The following AKR1B10 variants were observed in gnomAD, a reference collection of about 807,000 sequenced individuals.
AKR1B10 encodes the protein ARP.
Under a neutral mutation model 38.9 loss-of-function variants are expected in AKR1B10, and 39 were observed. The observed-to-expected ratio is 1.00, with a 90% confidence interval of 0.78 to 1.31. The LOEUF (loss-of-function observed/expected upper bound fraction) is 1.31. AKR1B10 is among the 50% of genes most tolerant of loss of function. The pLI, the probability that AKR1B10 is intolerant of heterozygous loss-of-function variation, is 0.00. For synonymous variants in AKR1B10, 148 were observed against 141.2 expected (o/e 1.05, Z -0.34); for missense variants, 361 against 382.6 (o/e 0.94, Z 0.47).
At chr7:134,540,308 C>A (rs988994483) in intron 9 of AKR1B10, among the ~76,000 whole-genome samples, 1 of 152,118 alleles carries the variant, frequency 6.6e-6, no homozygotes, top group African/African-American at 2.4e-5. Flanking sequence ...ATCATAGGAG[C>A]CTTTCCTCAT....
chr7:134,532,394 AATTATCTT>A (rs1216654890), intron 3 of AKR1B10, among the ~76,000 whole-genome samples: 1 of 152,106 alleles, frequency 6.6e-6, no homozygotes, highest in Non-Finnish European at 1.5e-5. Context: ...TCCAGGGCAT[AATTATCTT>A]ATTAAGCAAA....
At chr7:134,538,317 A>G in intron 8 of AKR1B10, 40 bp downstream of exon 8, 1 of 1,571,814 alleles carries the variant, frequency 6.4e-7, no homozygotes, top group Non-Finnish European at 8.8e-7. Context: ...TCCTCAGTGG[A>G]GTGGGGGACA....
chr7:134,533,015 C>G lies in AKR1B10; in HGVS notation c.363C>G (p.Asp121Glu), dbSNP rs199767638. ...HWPQGFKSGD[D>E]LFPKDDKGNA... ...TTCTGTGTTCACAGTCTGGGGATGA[C>G]CTTTTCCCCAAAGATGATAAAGGTA... is the stretch of plus-strand genomic sequence containing the variant. The change falls in exon 4 of 10, where the codon GAC becomes GAG. Residue 121 changes from aspartate (D) to glutamate (E), a missense_variant. By Grantham distance (45) the Asp-to-Glu change is conservative. Transcript: ENST00000359579. 2.4e-5 allele frequency: 38 copies of G among 1,602,308 alleles called. No individual in the cohort carries two copies. The highest frequency in any genetic ancestry group is 3.1e-5 in the Non-Finnish European group (37 of 1,175,896).
chr7:134,535,183 G>T (rs1275280063), intron 4 of AKR1B10, among the ~76,000 whole-genome samples: 1 of 152,100 alleles, frequency 6.6e-6, no homozygotes, highest in Non-Finnish European at 1.5e-5. Flanking sequence ...TTGCTATGTT[G>T]CCCAGGATGG....
Position 134,532,576 on chromosome 7 carries a change from G to A in AKR1B10, c.352-428G>A, listed in dbSNP as rs1161780727. On this transcript the variant is annotated intron_variant, in intron 3 of 9. Transcript: ENST00000359579. The stretch of plus-strand genomic sequence containing the variant: ...CTCTCCCCTCCTGACCAACTGGAGT[G>A]ATGATGGCCTGCCACCCCTAATTCC... Among the ~76,000 whole-genome samples the A allele has an allele frequency of 3.3e-5, 5 of 152,278 alleles. No homozygotes were observed. In the East Asian group the frequency reaches 9.7e-4, roughly 29 times the overall value.
chr7:134,527,724 T>TATCTTTAA lies in AKR1B10; in HGVS notation c.-187_-186insTCTTTAAA. 2.0e-6 allele frequency: 1 copy of TATCTTTAA among 499,804 alleles called. No homozygotes were observed. Among genetic ancestry groups the TATCTTTAA allele is most frequent in the Non-Finnish European group, 3.3e-6 (1 of 307,390 alleles). The allele number at this position is 499,804 out of a possible 1,614,324, so 31.0% of individuals were successfully genotyped here. On this transcript the variant is annotated 5_prime_UTR_variant, in exon 1 of 10. Transcript: ENST00000359579. ...AGCTGGGAGTCACGGTGGGCGCCTG[T>TATCTTTAA]AATCCCAGCTACTCGGGAGGCTGAG... is the stretch of plus-strand genomic sequence containing the variant.
chr7:134,538,288 G>T lies in AKR1B10; in HGVS notation c.825+11G>T, dbSNP rs781633072. 4 of 1,612,518 alleles carry T rather than the reference G, an allele frequency of 2.5e-6. No homozygotes were observed. In the Admixed American group the frequency reaches 5.0e-5, roughly 20 times the overall value. On this transcript the variant is annotated intron_variant, in intron 8 of 9. Coordinates refer to ENST00000359579, the MANE Select transcript of AKR1B10 (RefSeq NM_020299.5). ...GTTGAGAACATTCAGGTAAGTTTCCGGCTGGTCGGCCCTGGTATTCCTCAG... is the reference window on the plus strand; with the variant it reads ...GTTGAGAACATTCAGGTAAGTTTCCTGCTGGTCGGCCCTGGTATTCCTCAG...
chr7:134,538,425 G>C lies in AKR1B10; in HGVS notation c.825+148G>C, dbSNP rs13309791. ...TCATTTTCCAGCCCAGGGAGCTAGG[G>C]TCAGTAGAGCTGAGATGAATGACCC... On this transcript the variant is annotated intron_variant, in intron 8 of 9. Transcript: ENST00000359579. 4,770 of 816,226 alleles carry C rather than the reference G, an allele frequency of 5.8e-3. 17 individuals are homozygous for C. The highest frequency in any genetic ancestry group is 7.3e-3 in the Non-Finnish European group (3,703 of 506,250). The allele number at this position is 816,226 out of a possible 1,614,324, so 50.6% of individuals were successfully genotyped here. A position where few individuals can be genotyped will look rare whatever the true frequency, so the allele number is the denominator to read the frequency against.
In AKR1B10 at chr7:134,537,101, C is replaced by T. The variant is rs1392908943; in HGVS notation, c.603C>T (p.His201=). 1 of 1,596,372 alleles carries T rather than the reference C, an allele frequency of 6.3e-7. No homozygotes were observed. The highest frequency in any genetic ancestry group is 8.5e-7 in the Non-Finnish European group (1 of 1,171,100). ...AGGAGAAACTGATCCAGTACTGCCA[C>T]TCCAAGGGCATCACCGTTACGGCCT... The part of the protein sequence containing the change: ...LTQEKLIQYC[H]SKGITVTAYS... The change falls in exon 6 of 10, where the codon CAC becomes CAT. Residue 201 remains histidine, a synonymous_variant. Coordinates refer to ENST00000359579, the MANE Select transcript of AKR1B10 (RefSeq NM_020299.5).
At chr7:134,540,251 C>T (rs747254661) in intron 9 of AKR1B10, among the ~76,000 whole-genome samples, 2 of 152,170 alleles carry the variant, frequency 1.3e-5, no homozygotes, top group African/African-American at 2.4e-5. Context: ...ATCTCAAGCG[C>T]TGCTTGCATG....
intron 9 of AKR1B10, among the ~76,000 whole-genome samples, chr7:134,539,735 A>G (rs1302930339): frequency 6.6e-6 from 1 of 152,162 alleles, no homozygotes; most frequent in Admixed American, 6.5e-5. Flanking sequence ...AATCTTAGAT[A>G]AGTGGTGAAA....
chr7:134,536,251 T>C (rs987634934), intron 4 of AKR1B10, among the ~76,000 whole-genome samples: 1 of 152,266 alleles, frequency 6.6e-6, no homozygotes, highest in African/African-American at 2.4e-5. Context: ...AGCAGCTCCC[T>C]GCTATCATTT....
At chr7:134,529,735 C>A (rs1238024654) in intron 1 of AKR1B10, among the ~76,000 whole-genome samples, 1 of 152,168 alleles carries the variant, frequency 6.6e-6, no homozygotes. Context: ...ATTGGCTTGG[C>A]TAGGTTAGAA....
chr7:134,528,481 T>C (rs1250890564), intron 1 of AKR1B10, among the ~76,000 whole-genome samples: 1 of 152,186 alleles, frequency 6.6e-6, no homozygotes, highest in Non-Finnish European at 1.5e-5. Context: ...CCCAGCACTT[T>C]GGGAAATCCA....
rs763744205 is a variant in AKR1B10, at chr7:134,530,793, C to G, written c.217C>G (p.Leu73Val). Residue 73 changes from leucine to valine, a missense_variant, in exon 2 of 10, where the codon CTG becomes GTG. Transcript: ENST00000359579. Reference sequence around the variant, plus strand: ...AGAGAAGGCTGTGAAGCGGGAGGACCTGTTCATCGTCAGCAAGGTGCAATG... The same window carrying G: ...AGAGAAGGCTGTGAAGCGGGAGGACGTGTTCATCGTCAGCAAGGTGCAATG... The part of the protein sequence containing the change: ...IQEKAVKRED[L>V]FIVSKLWPTF... 11 of 1,612,622 alleles carry G rather than the reference C, an allele frequency of 6.8e-6. No homozygotes were observed. Among genetic ancestry groups the G allele is most frequent in the Non-Finnish European group, 9.3e-6 (11 of 1,179,348 alleles).
chr7:134,528,026 G>C (rs765565981), intron 1 of AKR1B10, 49 bp downstream of exon 1: 1 of 1,604,728 alleles, frequency 6.2e-7, no homozygotes, highest in Non-Finnish European at 8.5e-7. Context: ...GGGGCGTTTG[G>C]GTGTTTTCTC....
At position 134,536,740 on chromosome 7, in the gene AKR1B10, C is replaced by T; in HGVS notation, c.520C>T (p.Pro174Ser). 1 of 1,613,894 alleles carries T rather than the reference C, an allele frequency of 6.2e-7. No homozygotes were observed. The highest frequency in any genetic ancestry group is 8.5e-7 in the Non-Finnish European group (1 of 1,179,818). ...CCAGATCGAGAAGCTCTTGAACAAA[C>T]CTGGACTGAAATATAAACCAGTGAC... ...HFQIEKLLNK[P>S]GLKYKPVTNQ... Residue 174 changes from proline (P) to serine (S), a missense_variant, in exon 5 of 10, where the codon CCT becomes TCT. Coordinates refer to ENST00000359579, the MANE Select transcript of AKR1B10 (RefSeq NM_020299.5).
intron 4 of AKR1B10, among the ~76,000 whole-genome samples, chr7:134,535,184 C>T (rs1807962948): frequency 6.6e-6 from 1 of 152,084 alleles, no homozygotes. Context: ...TGCTATGTTG[C>T]CCAGGATGGT....
chr7:134,530,950 C>T (rs1807839997), intron 2 of AKR1B10, 140 bp downstream of exon 2: 10 of 1,212,268 alleles, frequency 8.2e-6, no homozygotes, highest in Non-Finnish European at 1.1e-5. Context: ...GTGAATACAA[C>T]ACTATCCATA....
Sources: gnomAD v4.1 joint callset for allele counts (sites outside exome capture counted in the v4.1 genomes callset) on GRCh38, gnomAD v4.1.1 for gene constraint, MANE v1.5 for transcripts, NCBI Gene and HGNC (gene_info 2026-07-23, HGNC 2026-07-21) for gene names.